PDE4D: variants seen among roughly 807,000 people sequenced by gnomAD.
PDE4D encodes the protein phosphodiesterase 4D.
PDE4D carries 24 observed loss-of-function variants against 87.4 expected under a neutral mutation model. The ratio of observed to expected loss-of-function variants is 0.27; its 90% confidence interval spans 0.20 to 0.39. The LOEUF is 0.39. Ranked by LOEUF, PDE4D falls within the 10% of genes least tolerant of loss-of-function variation. The pLI is 1.00. For missense variants in PDE4D, 714 were observed against 1,041.0 expected (o/e 0.69, Z 4.32); for synonymous variants, 384 against 383.2 (o/e 1.00, Z -0.02).
At chr5:59,772,197 C>T (rs1417036651) in intron 1 of PDE4D, among the ~76,000 whole-genome samples, 1 of 152,184 alleles carries the variant, frequency 6.6e-6, no homozygotes, top group African/African-American at 2.4e-5. Flanking sequence ...TTTGGACAGA[C>T]TGGCAATTTT....
At chr5:59,210,799 G>C (rs1001839848) in intron 2 of PDE4D, among the ~76,000 whole-genome samples, 1 of 152,094 alleles carries the variant, frequency 6.6e-6, no homozygotes, top group African/African-American at 2.4e-5. Context: ...GGGGAATAGA[G>C]GATTAGTTAT....
intron 1 of PDE4D, among the ~76,000 whole-genome samples, chr5:60,484,112 T>C (rs1021978148): frequency 1.3e-5 from 2 of 151,384 alleles, no homozygotes; most frequent in African/African-American, 4.9e-5. Context: ...AAAAGACTAC[T>C]AGGAATAAGC....
At chr5:58,991,105 A>G (rs1747807009) in intron 8 of PDE4D, among the ~76,000 whole-genome samples, 1 of 151,960 alleles carries the variant, frequency 6.6e-6, no homozygotes, top group African/African-American at 2.4e-5. Flanking sequence ...ACATGGTGAA[A>G]CCCCATCTCC....
rs1174086518 is a variant in PDE4D, at chr5:58,992,115, C to G, written c.1016-111G>C. 11 of 729,878 alleles carry G rather than the reference C, an allele frequency of 1.5e-5. No homozygotes were observed. In the East Asian group the frequency reaches 3.6e-4, roughly 24 times the overall value. 45.2% of individuals were successfully genotyped at this position (729,878 alleles called of 1,614,324 possible). On this transcript the variant is annotated intron_variant, in intron 7 of 14. Coordinates refer to ENST00000340635, the MANE Select transcript of PDE4D (RefSeq NM_001104631.2). ...TCATTATATATTCCAGGAAATGTTT[C>G]CAACTAAAAAGTTTCCTTTTAGAGA...
intron 1 of PDE4D, among the ~76,000 whole-genome samples, chr5:59,686,304 A>G (rs1250973318): frequency 6.6e-6 from 1 of 152,174 alleles, no homozygotes; most frequent in East Asian, 1.9e-4. Context: ...TAGATAGTGG[A>G]CATGAGGTAA....
At chr5:60,112,573 C>T (rs1472713663) in intron 2 of PDE4D, among the ~76,000 whole-genome samples, 1 of 151,972 alleles carries the variant, frequency 6.6e-6, no homozygotes, top group Non-Finnish European at 1.5e-5. Context: ...ATAGCATATG[C>T]CTGATCTCAT....
At chr5:59,840,951 A>G (rs1393992565) in intron 1 of PDE4D, among the ~76,000 whole-genome samples, 1 of 152,112 alleles carries the variant, frequency 6.6e-6, no homozygotes. Context: ...CAATGAAAGA[A>G]TCAAAGAGTA....
intron 1 of PDE4D, among the ~76,000 whole-genome samples, chr5:59,382,562 A>G (rs1786098071): frequency 2.0e-5 from 3 of 152,280 alleles, no homozygotes; most frequent in African/African-American, 7.2e-5. Flanking sequence ...GTTCTTATAG[A>G]TACCAACAGG....
chr5:59,587,509 A>T (rs1825341908), intron 1 of PDE4D: 9 of 985,430 alleles, frequency 9.1e-6, no homozygotes, highest in Non-Finnish European at 1.1e-5. Context: ...CCCAGCGCCG[A>T]ATTTCCAGCA....
At chr5:59,140,782 T>C (rs968399766) in intron 5 of PDE4D, among the ~76,000 whole-genome samples, 2 of 152,158 alleles carry the variant, frequency 1.3e-5, no homozygotes, top group African/African-American at 4.8e-5. Flanking sequence ...CATAAAGATA[T>C]GGTACAGGAA....
chr5:59,150,275 G>A (rs981307842), intron 5 of PDE4D, among the ~76,000 whole-genome samples: 4 of 152,136 alleles, frequency 2.6e-5, no homozygotes, highest in Admixed American at 1.3e-4. Context: ...GGAAGAAATG[G>A]CTTCTGGCAT....
At chr5:60,052,021 C>T (rs1770222328) in intron 2 of PDE4D, among the ~76,000 whole-genome samples, 1 of 151,908 alleles carries the variant, frequency 6.6e-6, no homozygotes, top group African/African-American at 2.4e-5. Context: ...TAGACCAATA[C>T]AAAGTTCTGA....
At chr5:60,028,755 CT>C (rs1173048007) in intron 2 of PDE4D, among the ~76,000 whole-genome samples, 4 of 152,190 alleles carry the variant, frequency 2.6e-5, no homozygotes, top group African/African-American at 9.6e-5. Context: ...CTCTTTTGAT[CT>C]TTGATCTCAA....
Position 60,467,896 on chromosome 5 carries a change from G to A in PDE4D, c.-90+20046C>T, listed in dbSNP as rs144254143. Among the ~76,000 whole-genome samples, 8 of 152,120 alleles carry A rather than the reference G, an allele frequency of 5.3e-5. No individual in the cohort carries two copies. The East Asian group carries it at 1.6e-3, about 29-fold the overall frequency. On this transcript the variant is annotated intron_variant, in intron 1 of 16. Coordinates refer to the PDE4D transcript ENST00000502484. ...ACTCATTATCACAAGAACAACAAGG[G>A]GGAAATCCACCCCCAAGATCCAATC...
At chr5:59,569,513 T>A (rs1367597055) in intron 1 of PDE4D, among the ~76,000 whole-genome samples, 1 of 152,318 alleles carries the variant, frequency 6.6e-6, no homozygotes, top group South Asian at 2.1e-4. Context: ...CTACTTATGA[T>A]TTTTTATCAT....
At chr5:60,190,843 G>A (rs1366935817) in intron 1 of PDE4D, among the ~76,000 whole-genome samples, 4 of 152,204 alleles carry the variant, frequency 2.6e-5, no homozygotes, top group African/African-American at 9.6e-5. Context: ...TAATCAGGTT[G>A]TAGCTTATGC....
At chr5:60,064,130 T>C (rs1771789082) in intron 2 of PDE4D, among the ~76,000 whole-genome samples, 1 of 152,248 alleles carries the variant, frequency 6.6e-6, no homozygotes, top group South Asian at 2.1e-4. Context: ...AATAATCACA[T>C]ATAATTTTCA....
chr5:60,044,633 C>T lies in PDE4D; in HGVS notation c.43-55916G>A, dbSNP rs555669475. 3.8e-4 allele frequency among the ~76,000 whole-genome samples: 57 copies of T among 151,680 alleles called. 2 individuals are homozygous for T. Among genetic ancestry groups the T allele is most frequent in the South Asian group, 1.0e-3 (5 of 4,780 alleles). ...TGCGGTGTTTGGTTTTTTGTTCTTG[C>T]GATAGTTTACTGAGAATGATGATTT... On this transcript the variant is annotated intron_variant, in intron 2 of 16. Coordinates refer to the PDE4D transcript ENST00000502484.
At chr5:59,549,607 A>G (rs1817790053) in intron 1 of PDE4D, among the ~76,000 whole-genome samples, 2 of 152,190 alleles carry the variant, frequency 1.3e-5, no homozygotes, top group African/African-American at 4.8e-5. Flanking sequence ...GAAAATATAT[A>G]TAACCTATTA....
Sources: gnomAD v4.1 joint callset for allele counts (sites outside exome capture counted in the v4.1 genomes callset) on GRCh38, gnomAD v4.1.1 for gene constraint, MANE v1.5 for transcripts, NCBI Gene and HGNC (gene_info 2026-07-23, HGNC 2026-07-21) for gene names.